SOX5: variants seen among roughly 807,000 people sequenced by gnomAD.
SOX5 encodes transcription factor SOX-5.
SOX5 carries 9 observed loss-of-function variants against 92.0 expected under a neutral mutation model. The ratio of observed to expected loss-of-function variants is 0.10; its 90% CI spans 0.06 to 0.17. The LOEUF is 0.17. Ranked by LOEUF, SOX5 falls within the 10% of genes least tolerant of loss-of-function variation. SOX5 has a pLI of 1.00. For synonymous variants in SOX5, 344 were observed against 336.3 expected (o/e 1.02, Z -0.25); for missense variants, 642 against 944.5 (o/e 0.68, Z 4.20).
intron 4 of SOX5, among the ~76,000 whole-genome samples, chr12:24,102,565 T>C (rs992157276): frequency 1.3e-5 from 2 of 152,256 alleles, no homozygotes; most frequent in African/African-American, 2.4e-5. Context: ...ATACGTCATC[T>C]AGAGTTCTTT....
chr12:23,891,722 C>G (rs1437465340), intron 2 of SOX5, among the ~76,000 whole-genome samples: 1 of 151,986 alleles, frequency 6.6e-6, no homozygotes, highest in Non-Finnish European at 1.5e-5. Context: ...ATAAAAGAAC[C>G]TATTTTGTGA....
At chr12:23,816,197 G>C (rs1337243901) in intron 3 of SOX5, among the ~76,000 whole-genome samples, 8 of 145,104 alleles carry the variant, frequency 5.5e-5, no homozygotes, top group African/African-American at 2.0e-4. Context: ...GAGACACTTG[G>C]ACAAGATTTC....
At chr12:24,277,510 A>G (rs1220305482) in intron 2 of SOX5, among the ~76,000 whole-genome samples, 2 of 104,140 alleles carry the variant, frequency 1.9e-5, no homozygotes, top group Non-Finnish European at 4.6e-5. Flanking sequence ...TTAAATATAT[A>G]AATATATATT....
At chr12:24,020,299 C>A (rs76396980) in intron 4 of SOX5, among the ~76,000 whole-genome samples, 2 of 152,044 alleles carry the variant, frequency 1.3e-5, no homozygotes, top group African/African-American at 4.8e-5. Flanking sequence ...TCCCTTTGAT[C>A]GTTACACCTG....
At chr12:24,406,003 C>T (rs1336598810) in intron 1 of SOX5, among the ~76,000 whole-genome samples, 1 of 152,046 alleles carries the variant, frequency 6.6e-6, no homozygotes, top group Non-Finnish European at 1.5e-5. Context: ...TATGTACCCC[C>T]TGGAGTTTGA....
chr12:24,376,181 C>T (rs1340169560), intron 1 of SOX5, among the ~76,000 whole-genome samples: 2 of 152,158 alleles, frequency 1.3e-5, no homozygotes, highest in African/African-American at 2.4e-5. Context: ...TTAAAATGTG[C>T]GTCATTGCTC....
chr12:23,827,362 T>C (rs948214554), intron 3 of SOX5, among the ~76,000 whole-genome samples: 2 of 152,158 alleles, frequency 1.3e-5, no homozygotes, highest in African/African-American at 4.8e-5. Flanking sequence ...AAAAAGAGAA[T>C]GGTAAATTGA....
chr12:24,293,892 T>C (rs1025863928), intron 2 of SOX5, among the ~76,000 whole-genome samples: 6 of 152,230 alleles, frequency 3.9e-5, no homozygotes, highest in Non-Finnish European at 5.9e-5. Context: ...CTAGTTTATA[T>C]CTTTTGATTG....
At chr12:24,303,944 T>C (rs1223373038) in intron 2 of SOX5, among the ~76,000 whole-genome samples, 3 of 152,342 alleles carry the variant, frequency 2.0e-5, no homozygotes, top group Non-Finnish European at 2.9e-5. Flanking sequence ...TGTTCAATTA[T>C]ATGTTCCACT....
chr12:23,968,379 C>G (rs536486192), intron 4 of SOX5, among the ~76,000 whole-genome samples: 10 of 152,180 alleles, frequency 6.6e-5, no homozygotes, highest in Non-Finnish European at 1.3e-4. Context: ...AATATGTCCC[C>G]CAAAGTTCAC....
intron 8 of SOX5, among the ~76,000 whole-genome samples, chr12:23,627,572 G>A (rs1343487529): frequency 3.9e-5 from 6 of 151,926 alleles, no homozygotes; most frequent in East Asian, 3.9e-4. Context: ...CTTACACTAC[G>A]CTGAGTATTT....
intron 3 of SOX5, among the ~76,000 whole-genome samples, chr12:24,273,678 A>G (rs1944060574): frequency 6.6e-6 from 1 of 151,922 alleles, no homozygotes; most frequent in Admixed American, 6.6e-5. Flanking sequence ...ACTGTTTTCC[A>G]CCTTGTTAAT....
At chr12:24,279,726 A>C (rs1219828733) in intron 2 of SOX5, among the ~76,000 whole-genome samples, 4 of 152,198 alleles carry the variant, frequency 2.6e-5, no homozygotes, top group Non-Finnish European at 5.9e-5. Context: ...TGTAAAAATA[A>C]AACGAATTCA....
intron 3 of SOX5, among the ~76,000 whole-genome samples, chr12:23,838,752 A>G (rs2096468025): frequency 6.7e-6 from 1 of 148,910 alleles, no homozygotes; most frequent in South Asian, 2.1e-4. Flanking sequence ...ATTTCCTGCT[A>G]TGGACGCGCT....
intron 3 of SOX5, among the ~76,000 whole-genome samples, chr12:24,252,110 A>G (rs1416438601): frequency 6.6e-6 from 1 of 152,208 alleles, no homozygotes; most frequent in Non-Finnish European, 1.5e-5. Context: ...GTGGGAAAAG[A>G]AAGACATCTC....
At chr12:24,112,504 GAAC>G (rs1947473932) in intron 4 of SOX5, among the ~76,000 whole-genome samples, 1 of 131,824 alleles carries the variant, frequency 7.6e-6, no homozygotes, top group Non-Finnish European at 1.6e-5. Flanking sequence ...CAGGGATACA[GAAC>G]AACTTCAAGG....
chr12:24,187,209 G>T (rs1956100308), intron 4 of SOX5, among the ~76,000 whole-genome samples: 1 of 152,158 alleles, frequency 6.6e-6, no homozygotes, highest in Non-Finnish European at 1.5e-5. Flanking sequence ...CCAGAAGAAA[G>T]ATGTAATAGT....
At chr12:24,238,165 A>G (rs938639885) in intron 3 of SOX5, among the ~76,000 whole-genome samples, 2 of 152,234 alleles carry the variant, frequency 1.3e-5, no homozygotes, top group African/African-American at 4.8e-5. Flanking sequence ...AATTTCCAAG[A>G]AAACATAAAG....
chr12:23,706,475 T>C (rs912253915), intron 6 of SOX5, among the ~76,000 whole-genome samples: 1 of 152,056 alleles, frequency 6.6e-6, no homozygotes, highest in South Asian at 2.1e-4. Flanking sequence ...TCATGAAGTT[T>C]ACAACAAAAC....
Sources: gnomAD v4.1 joint callset for allele counts (sites outside exome capture counted in the v4.1 genomes callset) on GRCh38, gnomAD v4.1.1 for gene constraint, MANE v1.5 for transcripts, NCBI Gene and HGNC (gene_info 2026-07-23, HGNC 2026-07-21) for gene names.